LPAR1: variants seen among roughly 807,000 people sequenced by gnomAD.
The protein encoded by LPAR1 is lysophosphatidic acid receptor 1.
A neutral mutation model predicts 23.8 loss-of-function variants in LPAR1; 5 were observed. That is an observed-to-expected ratio of 0.21 (90% CI 0.11 to 0.44). The LOEUF (loss-of-function observed/expected upper bound fraction) is 0.44. Among genes scored for constraint, LPAR1 ranks in the 20% least tolerant of loss-of-function variants. The pLI is 0.99. For missense variants in LPAR1, 311 were observed against 482.8 expected, an observed-to-expected ratio of 0.64 and a Z score of 3.33; for synonymous variants, 160 against 164.7, an observed-to-expected ratio of 0.97 and a Z score of 0.22.
intron 4 of LPAR1, among the ~76,000 whole-genome samples, chr9:110,943,402 AC>A (rs1161393585): frequency 2.1e-4 from 32 of 152,100 alleles, no homozygotes; most frequent in Non-Finnish European, 1.5e-5. Flanking sequence ...GTACACTAAA[AC>A]TTCCAAGAAC....
At chr9:110,961,527 G>C (rs10980660) in intron 4 of LPAR1, among the ~76,000 whole-genome samples, 32,451 of 149,588 alleles carry the variant, frequency 0.22, 4,279 homozygotes, top group Admixed American at 0.3. Context: ...GGCTGAGACA[G>C]GAGAATCGCT....
rs568549560 is a variant in LPAR1 at position 110,948,581 on chromosome 9, G to A, written c.46-6413C>T. On this transcript the variant is annotated intron_variant, in intron 4 of 5. Transcript: ENST00000683809. ...CCATTGTCTACCATGCTGAGAAAAG[G>A]TACACATCATCATACTTGTCAAATT... Among the ~76,000 whole-genome samples the A allele has an allele frequency of 9.9e-5, 15 of 152,268 alleles. 1 individual carries two copies. The South Asian group carries it at 2.3e-3, about 23-fold the overall frequency.
intron 2 of LPAR1, among the ~76,000 whole-genome samples, chr9:110,986,075 C>G (rs573197383): frequency 6.6e-6 from 1 of 152,120 alleles, no homozygotes; most frequent in Non-Finnish European, 1.5e-5. Context: ...AAGAGACAGA[C>G]TTCATTCTGC....
chr9:110,952,706 C>T (rs1046758334), intron 4 of LPAR1, among the ~76,000 whole-genome samples: 8 of 152,126 alleles, frequency 5.3e-5, no homozygotes, highest in Non-Finnish European at 8.8e-5. Context: ...AAAGCAACCC[C>T]GCCCTCCCCA....
At chr9:110,906,834 C>T (rs2091347601) in intron 5 of LPAR1, among the ~76,000 whole-genome samples, 3 of 152,048 alleles carry the variant, frequency 2.0e-5, no homozygotes. Context: ...ACTTGTAAAA[C>T]CAAAGTTTCT....
intron 4 of LPAR1, among the ~76,000 whole-genome samples, chr9:110,961,700 A>G (rs1351502506): frequency 6.6e-6 from 1 of 152,048 alleles, no homozygotes; most frequent in Non-Finnish European, 1.5e-5. Flanking sequence ...GAGGCATCAC[A>G]ATCATGGCAG....
Position 110,875,159 on chromosome 9 carries a change from T to C in LPAR1, c.*262A>G. 2.6e-6 allele frequency: 1 copy of C among 383,408 alleles called. No individual in the cohort carries two copies. Among genetic ancestry groups the C allele is most frequent in the Non-Finnish European group, 4.7e-6 (1 of 213,480 alleles). 23.8% of individuals were successfully genotyped at this position (383,408 alleles called of 1,614,324 possible). ...TAGTCTAAATGGACACTCCAGAGTC[T>C]GTTCTTGAATTCCATTGCAAGAGCT... On this transcript the variant is annotated 3_prime_UTR_variant, in exon 6 of 6. Coordinates refer to ENST00000683809, the MANE Select transcript of LPAR1 (RefSeq NM_001351411.2).
chr9:110,942,241 A>G, intron 4 of LPAR1, 73 bp from the exon 5 acceptor site: 1 of 1,335,750 alleles, frequency 7.5e-7, no homozygotes, highest in South Asian at 1.4e-5. Context: ...TAGATAACAC[A>G]AGACTTTTAT....
At chr9:110,985,066 C>A (rs913153098) in intron 2 of LPAR1, among the ~76,000 whole-genome samples, 5 of 152,060 alleles carry the variant, frequency 3.3e-5, no homozygotes, top group Non-Finnish European at 7.4e-5. Context: ...GACTCTACCC[C>A]CTTCACTGAC....
At chr9:110,878,058 G>A (rs966989755) in intron 5 of LPAR1, among the ~76,000 whole-genome samples, 1 of 152,172 alleles carries the variant, frequency 6.6e-6, no homozygotes, top group African/African-American at 2.4e-5. Flanking sequence ...TGACACAGGA[G>A]CTTCTATGTA....
At chr9:110,880,980 C>T (rs1238756912) in intron 5 of LPAR1, among the ~76,000 whole-genome samples, 1 of 152,174 alleles carries the variant, frequency 6.6e-6, no homozygotes, top group Non-Finnish European at 1.5e-5. Context: ...AGATGCAAAG[C>T]TTATTCTTCC....
At chr9:110,962,492 T>C (rs535465774) in intron 4 of LPAR1, among the ~76,000 whole-genome samples, 1 of 152,320 alleles carries the variant, frequency 6.6e-6, no homozygotes, top group South Asian at 2.1e-4. Flanking sequence ...TATCACCTGC[T>C]GGACATTCTG....
chr9:110,991,915 C>T (rs565832725), intron 2 of LPAR1, among the ~76,000 whole-genome samples: 117 of 152,136 alleles, frequency 7.7e-4, no homozygotes, highest in Non-Finnish European at 1.3e-3. Context: ...CTGAAAGACT[C>T]CTCCCAGGCT....
intron 5 of LPAR1, among the ~76,000 whole-genome samples, chr9:110,900,794 T>C (rs989846697): frequency 3.3e-5 from 5 of 152,188 alleles, no homozygotes; most frequent in African/African-American, 1.2e-4. Context: ...CCTTAAAAAT[T>C]TTCTTTTAGA....
At chr9:111,010,285 G>A (rs945298471) in intron 2 of LPAR1, among the ~76,000 whole-genome samples, 18 of 151,970 alleles carry the variant, frequency 1.2e-4, no homozygotes, top group African/African-American at 4.4e-4. Flanking sequence ...AGAAATTATA[G>A]GAGAATGTTA....
intron 4 of LPAR1, among the ~76,000 whole-genome samples, chr9:110,964,087 G>C (rs2096104648): frequency 6.6e-6 from 1 of 152,166 alleles, no homozygotes; most frequent in South Asian, 2.1e-4. Context: ...TTTAATAATT[G>C]CAAACATTGT....
intron 5 of LPAR1, among the ~76,000 whole-genome samples, chr9:110,933,429 G>C (rs1395800901): frequency 6.6e-6 from 1 of 152,170 alleles, no homozygotes; most frequent in Non-Finnish European, 1.5e-5. Context: ...ACATGTATGT[G>C]CTTTACATAA....
At chr9:110,885,030 G>A (rs371382713) in intron 5 of LPAR1, among the ~76,000 whole-genome samples, 4 of 152,166 alleles carry the variant, frequency 2.6e-5, no homozygotes, top group South Asian at 4.2e-4. Flanking sequence ...TGGTTTGTCT[G>A]TTTATTAGTA....
Position 110,977,830 on chromosome 9 carries a change from G to GGGAAGGAA in LPAR1, c.-181-4273_-181-4272insTTCCTTCC, listed in dbSNP as rs1564227765. 2.1e-3 allele frequency among the ~76,000 whole-genome samples: 205 copies of GGGAAGGAA among 97,648 alleles called. 4 individuals carry two copies. The highest frequency in any genetic ancestry group is 9.5e-3 in the African/African-American group (184 of 19,372). 64.1% of individuals were successfully genotyped at this position (97,648 alleles called of 152,430 possible). A position where few individuals can be genotyped will look rare whatever the true frequency, so the allele number is the denominator to read the frequency against. ...AAGGAGGGAGGGAGGGCGGGAGGGA[G>GGGAAGGAA]GGAGGGAAGGAAGGAGGGAAGGAAG... is the stretch of plus-strand genomic sequence containing the variant. On this transcript the variant is annotated intron_variant, in intron 2 of 5. Transcript: ENST00000683809.
Sources: gnomAD v4.1 joint callset for allele counts (sites outside exome capture counted in the v4.1 genomes callset) on GRCh38, gnomAD v4.1.1 for gene constraint, MANE v1.5 for transcripts, NCBI Gene and HGNC (gene_info 2026-07-23, HGNC 2026-07-21) for gene names.